ZNF124: variants seen among roughly 807,000 people sequenced by gnomAD.
ZNF124 encodes zinc finger protein 124.
In ZNF124, 25 loss-of-function variants were observed where a neutral mutation model predicts 26.6. That is an observed-to-expected ratio of 0.94 (90% CI 0.68 to 1.31). ZNF124 has a LOEUF of 1.31. Ranked by LOEUF, ZNF124 falls within the 40% of genes most tolerant of loss-of-function variation. The pLI is 0.00. For synonymous variants in ZNF124, 129 were observed against 133.3 expected, an observed-to-expected ratio of 0.97 and a Z score of 0.22; for missense variants, 444 against 422.2, an observed-to-expected ratio of 1.05 and a Z score of -0.45.
downstream of ZNF124, among the ~76,000 whole-genome samples, chr1:247,152,612 C>G (rs116609357): frequency 0.033 from 4,977 of 152,164 alleles, 114 homozygotes; most frequent in Non-Finnish European, 0.049. Context: ...ATTGTAATTA[C>G]TATTGCTTTT....
At chr1:247,146,671 C>G (rs183013872) in intron 3 of ZNF124, among the ~76,000 whole-genome samples, 18 of 151,554 alleles carry the variant, frequency 1.2e-4, no homozygotes, top group Non-Finnish European at 2.2e-4. Context: ...TTCACTAAAC[C>G]TTATTTGGAA....
At chr1:247,145,623 A>T (rs1235550382) in intron 3 of ZNF124, among the ~76,000 whole-genome samples, 1 of 148,616 alleles carries the variant, frequency 6.7e-6, no homozygotes, top group Non-Finnish European at 1.5e-5. Context: ...GGCTCTTATT[A>T]AAAACTTCTG....
At chr1:247,140,987 G>C (rs1672611936) in intron 3 of ZNF124, among the ~76,000 whole-genome samples, 2 of 152,150 alleles carry the variant, frequency 1.3e-5, no homozygotes, top group Admixed American at 6.5e-5. Flanking sequence ...TTCCTCCCCT[G>C]GCTTGGAGGC....
rs368812639 is a variant in ZNF124, at chr1:247,159,003, T to C, written c.218+3A>G. The C allele has an allele frequency of 1.2e-5, 20 of 1,612,742 alleles. No homozygotes were observed. The African/African-American group carries it at 1.9e-4, about 15-fold the overall frequency. ...ACTGCTTCCTCTTGTGAGGGCAAATTACCTTAGATTTCTTGAAGAATTTTT... is the reference window on the plus strand; with the variant it reads ...ACTGCTTCCTCTTGTGAGGGCAAATCACCTTAGATTTCTTGAAGAATTTTT... On this transcript the variant is annotated splice_donor_region_variant and intron_variant, in intron 3 of 3. Transcript: ENST00000543802.
chr1:247,145,410 A>G (rs1431574084), intron 3 of ZNF124, among the ~76,000 whole-genome samples: 2 of 152,158 alleles, frequency 1.3e-5, no homozygotes, highest in African/African-American at 4.8e-5. Flanking sequence ...AGCAGTGACA[A>G]GGTATTAACA....
downstream of ZNF124, among the ~76,000 whole-genome samples, chr1:247,151,478 C>CAAAAAA (rs565076160): frequency 3.8e-4 from 28 of 73,666 alleles, no homozygotes; most frequent in Admixed American, 1.3e-3. Context: ...GACTCCGTCT[C>CAAAAAA]AAAAAAAAAA....
At chr1:247,134,958 C>G (rs550927850) in intron 3 of ZNF124, among the ~76,000 whole-genome samples, 1 of 152,086 alleles carries the variant, frequency 6.6e-6, no homozygotes, top group Non-Finnish European at 1.5e-5. Flanking sequence ...CCAAACCACA[C>G]GATTTCATGG....
chr1:247,152,346 A>T (rs1394818051), downstream of ZNF124, among the ~76,000 whole-genome samples: 1 of 150,258 alleles, frequency 6.7e-6, no homozygotes, highest in East Asian at 1.9e-4. Context: ...ATATGTAATT[A>T]TATATATATG....
At chr1:247,169,054 C>G (rs917099939) in intron 1 of ZNF124, among the ~76,000 whole-genome samples, 25 of 151,978 alleles carry the variant, frequency 1.6e-4, no homozygotes, top group African/African-American at 6.0e-4. Context: ...TTTAAAATAT[C>G]TACATATATT....
intron 3 of ZNF124, 47 bp downstream of exon 3, chr1:247,158,959 A>G (rs372849958): frequency 6.4e-7 from 1 of 1,551,596 alleles, no homozygotes; most frequent in African/African-American, 1.4e-5. Flanking sequence ...ATTATATACT[A>G]CAATTGACCC....
chr1:247,124,103 C>G (rs892827094), intron 3 of ZNF124, among the ~76,000 whole-genome samples: 2 of 152,072 alleles, frequency 1.3e-5, no homozygotes, highest in African/African-American at 4.8e-5. Context: ...GCTGGGATTA[C>G]AGGCGTGAGC....
chr1:247,125,680 C>CTTG (rs374760143), intron 3 of ZNF124, among the ~76,000 whole-genome samples: 45,214 of 150,924 alleles, frequency 0.3, 7,054 homozygotes, highest in Middle Eastern at 0.38. Flanking sequence ...TCGGCGCCGG[C>CTTG]GCCGATTAAA....
At chr1:247,124,213 T>A (rs983874819) in intron 3 of ZNF124, among the ~76,000 whole-genome samples, 3 of 151,854 alleles carry the variant, frequency 2.0e-5, no homozygotes, top group African/African-American at 7.3e-5. Flanking sequence ...TGTGGCTTTT[T>A]TTTTTTTTGA....
At chr1:247,140,523 T>A (rs1672600061) in intron 3 of ZNF124, among the ~76,000 whole-genome samples, 1 of 152,260 alleles carries the variant, frequency 6.6e-6, no homozygotes, top group African/African-American at 2.4e-5. Context: ...TGTGGTCATC[T>A]GGAGGACATA....
downstream of ZNF124, among the ~76,000 whole-genome samples, chr1:247,152,658 T>A (rs1356008282): frequency 6.6e-6 from 1 of 152,174 alleles, no homozygotes; most frequent in South Asian, 2.1e-4. Context: ...GATTACTGCT[T>A]GATAGATAAG....
downstream of ZNF124, among the ~76,000 whole-genome samples, chr1:247,154,529 C>T (rs1035973163): frequency 3.9e-5 from 6 of 152,242 alleles, no homozygotes; most frequent in African/African-American, 1.4e-4. Flanking sequence ...TATGAAATAA[C>T]ACTATATAGT....
At chr1:247,144,679 ACT>A (rs1672716027) in intron 3 of ZNF124, among the ~76,000 whole-genome samples, 1 of 151,816 alleles carries the variant, frequency 6.6e-6, no homozygotes, top group Admixed American at 6.6e-5. Context: ...GTCAATTTGA[ACT>A]CTCTGAAAGC....
intron 3 of ZNF124, among the ~76,000 whole-genome samples, chr1:247,131,619 A>G (rs959749837): frequency 6.6e-6 from 1 of 152,236 alleles, no homozygotes; most frequent in Admixed American, 6.5e-5. Context: ...GAGGCTGTAC[A>G]GCTAGGTCCC....
chr1:247,158,435 T>C (rs1265057608), intron 3 of ZNF124, among the ~76,000 whole-genome samples: 1 of 152,144 alleles, frequency 6.6e-6, no homozygotes, highest in Non-Finnish European at 1.5e-5. Flanking sequence ...TGCAGAACCA[T>C]TAGCCAAATA....
Sources: allele counts gnomAD v4.1 joint callset (sites outside exome capture counted in the v4.1 genomes callset), GRCh38; gene constraint gnomAD v4.1.1; transcripts MANE v1.5; gene names NCBI Gene and HGNC (gene_info 2026-07-23, HGNC 2026-07-21).